Variants in ADARB2 observed in about 807,000 individuals in gnomAD.
ADARB2 encodes the protein adenosine deaminase RNA specific B2 (inactive), also known as inactive double-stranded RNA-specific editase B2.
In ADARB2, 25 loss-of-function variants were observed where a neutral mutation model predicts 62.2. That is an observed-to-expected ratio of 0.40 (90% CI 0.29 to 0.56). ADARB2 has a LOEUF of 0.56. ADARB2 is among the 20% of genes least tolerant of loss of function. ADARB2 has a pLI of 0.43. For missense variants in ADARB2, 1,071 were observed against 1,077.4 expected (o/e 0.99, Z 0.08); for synonymous variants, 572 against 500.8 (o/e 1.14, Z -1.90).
intron 1 of ADARB2, among the ~76,000 whole-genome samples, chr10:1,416,805 C>T (rs1247643945): frequency 6.6e-6 from 1 of 152,252 alleles, no homozygotes; most frequent in Non-Finnish European, 1.5e-5. Flanking sequence ...CGTGGTGAAA[C>T]CCCATTAGGT....
At chr10:1,617,065 C>T (rs1261827072) in intron 1 of ADARB2, among the ~76,000 whole-genome samples, 2 of 148,772 alleles carry the variant, frequency 1.3e-5, no homozygotes, top group Non-Finnish European at 1.5e-5. Flanking sequence ...GGGAACTGAC[C>T]TCAGAGGGTT....
intron 6 of ADARB2, among the ~76,000 whole-genome samples, chr10:1,228,782 C>G (rs558690245): frequency 6.6e-6 from 1 of 152,206 alleles, no homozygotes; most frequent in African/African-American, 2.4e-5. Flanking sequence ...TGCCACAGAG[C>G]GGGGAGTCCA....
At chr10:1,701,757 G>A (rs867979080) in intron 1 of ADARB2, among the ~76,000 whole-genome samples, 91 of 31,888 alleles carry the variant, frequency 2.9e-3, no homozygotes, top group Admixed American at 4.8e-3. Context: ...GGGAGACCAG[G>A]CGCTAGTCAA....
At chr10:1,685,738 G>A (rs576380526) in intron 1 of ADARB2, among the ~76,000 whole-genome samples, 272 of 152,320 alleles carry the variant, frequency 1.8e-3, no homozygotes, top group Non-Finnish European at 3.3e-3. Flanking sequence ...TTAAAGAAAT[G>A]AAGACACCCC....
chr10:1,710,551 C>T (rs1165793839), intron 1 of ADARB2, among the ~76,000 whole-genome samples: 5 of 152,240 alleles, frequency 3.3e-5, no homozygotes, highest in Admixed American at 2.6e-4. Flanking sequence ...CCTTCCCCTC[C>T]TTCCCACTGT....
At chr10:1,568,320 C>T (rs903244869) in intron 1 of ADARB2, among the ~76,000 whole-genome samples, 7 of 152,096 alleles carry the variant, frequency 4.6e-5, no homozygotes, top group African/African-American at 1.4e-4. Context: ...GAAGGAAGGG[C>T]TCCTGCACCA....
chr10:1,198,116 T>C (rs1471608991), intron 8 of ADARB2, among the ~76,000 whole-genome samples: 2 of 152,230 alleles, frequency 1.3e-5, no homozygotes, highest in East Asian at 3.9e-4. Context: ...AGTTTTGCCA[T>C]AGATTTAGAC....
Position 1,645,506 on chromosome 10 carries a change from G to T in ADARB2, c.100+91545C>A, listed in dbSNP as rs971039359. Among the ~76,000 whole-genome samples, 16 of 152,322 alleles carry T rather than the reference G, an allele frequency of 1.1e-4. 1 individual carries two copies. The highest frequency in any genetic ancestry group is 3.6e-4 in the African/African-American group (15 of 41,558). On this transcript the variant is annotated intron_variant, in intron 1 of 9. Coordinates refer to ENST00000381312, the MANE Select transcript of ADARB2 (RefSeq NM_018702.4). ...CCTCTAACTTGACTTCTTGAAGTTT[G>T]CAAGAAGCAGCATCCACTTAAAGTC... is the stretch of plus-strand genomic sequence containing the variant.
chr10:1,707,422 G>A (rs1303024939), intron 1 of ADARB2, among the ~76,000 whole-genome samples: 2 of 152,240 alleles, frequency 1.3e-5, no homozygotes, highest in African/African-American at 4.8e-5. Context: ...GATTTGTAGC[G>A]TCTTTGGCCA....
chr10:1,698,312 A>G (rs953318575), intron 1 of ADARB2, among the ~76,000 whole-genome samples: 6 of 152,292 alleles, frequency 3.9e-5, no homozygotes, highest in Admixed American at 3.9e-4. Context: ...CACCCGTGGA[A>G]TGAGGAATAG....
At chr10:1,654,408 C>T (rs988821297) in intron 1 of ADARB2, among the ~76,000 whole-genome samples, 4 of 152,200 alleles carry the variant, frequency 2.6e-5, no homozygotes, top group Admixed American at 2.6e-4. Context: ...CTGAGACAGG[C>T]CTGTTCCTGG....
At chr10:1,328,500 G>A (rs934721947) in intron 3 of ADARB2, among the ~76,000 whole-genome samples, 1 of 151,902 alleles carries the variant, frequency 6.6e-6, no homozygotes, top group Non-Finnish European at 1.5e-5. Flanking sequence ...TCAAACCCGC[G>A]TCCTGTTTTT....
intron 1 of ADARB2, among the ~76,000 whole-genome samples, chr10:1,450,298 C>A (rs1446712655): frequency 1.3e-5 from 2 of 152,242 alleles, no homozygotes; most frequent in African/African-American, 2.4e-5. Context: ...CACTAATAAT[C>A]TTTGGAAAAT....
chr10:1,593,343 A>G (rs57084141), intron 1 of ADARB2, among the ~76,000 whole-genome samples: 14,869 of 66,596 alleles, frequency 0.22, 2,103 homozygotes, highest in Middle Eastern at 0.3. Context: ...CCCAAACCAC[A>G]CTCTGTAGGT....
rs749306620 is a variant in ADARB2, at chr10:1,599,197, G to T, written c.100+137854C>A. Among the ~76,000 whole-genome samples, 4 of 152,172 alleles carry T rather than the reference G, an allele frequency of 2.6e-5. No homozygotes were observed. The East Asian group carries it at 7.7e-4, about 29-fold the overall frequency. On this transcript the variant is annotated intron_variant, in intron 1 of 9. Transcript: ENST00000381312. ...GCCATCCTCCCTGCAGCGTTGACTC[G>T]CTTGACAAAGAGTTTCAGGGGCTGA...
intron 1 of ADARB2, among the ~76,000 whole-genome samples, chr10:1,550,574 A>G (rs1832605092): frequency 6.6e-6 from 1 of 152,230 alleles, no homozygotes; most frequent in African/African-American, 2.4e-5. Flanking sequence ...GGAGATATAA[A>G]TGGCATGAAC....
At position 1,591,655 on chromosome 10, in the gene ADARB2, GCACGCA is replaced by G. The variant is rs1217097875; in HGVS notation, c.100+145390_100+145395del. On this transcript the variant is annotated intron_variant, in intron 1 of 9. Transcript: ENST00000381312. ...GAATCTCTCTTACACACAGAGGCGT[GCACGCA>G]CACACACACACACACACGCACACAC... Among the ~76,000 whole-genome samples the G allele has an allele frequency of 2.8e-4, 24 of 87,016 alleles. No individual in the cohort carries two copies. In the Middle Eastern group the frequency reaches 0.014, roughly 52 times the overall value. 57.1% of individuals were successfully genotyped at this position (87,016 alleles called of 152,430 possible).
chr10:1,403,174 T>C (rs549569450), intron 1 of ADARB2, among the ~76,000 whole-genome samples: 1 of 152,318 alleles, frequency 6.6e-6, no homozygotes, highest in South Asian at 2.1e-4. Flanking sequence ...ACTCGTTTTT[T>C]CTTTTCTGAG....
rs1252254912 is a variant in ADARB2 at position 1,532,337 on chromosome 10, T to C, written c.101-153177A>G. Among the ~76,000 whole-genome samples the C allele has an allele frequency of 3.9e-5, 6 of 152,200 alleles. No homozygotes were observed. The South Asian group carries it at 1.0e-3, about 26-fold the overall frequency. On this transcript the variant is annotated intron_variant, in intron 1 of 9. Transcript: ENST00000381312. Reference sequence around the variant, plus strand: ...CAAAACCAGCACCAAAAACAGCTGTTGACCCTCATCATCTGAAAGCGTGGG... The same window carrying C: ...CAAAACCAGCACCAAAAACAGCTGTCGACCCTCATCATCTGAAAGCGTGGG...
Sources: allele counts gnomAD v4.1 joint callset (sites outside exome capture counted in the v4.1 genomes callset), GRCh38; gene constraint gnomAD v4.1.1; transcripts MANE v1.5; gene names NCBI Gene and HGNC (gene_info 2026-07-23, HGNC 2026-07-21).